COMMD1: variants seen among roughly 807,000 people sequenced by gnomAD.
The protein encoded by COMMD1 is copper metabolism domain containing 1.
A neutral mutation model predicts 17.2 loss-of-function variants in COMMD1; 10 were observed. The ratio of observed to expected loss-of-function variants is 0.58; its 90% CI spans 0.36 to 0.99. COMMD1 has a LOEUF of 0.99. Ranked by LOEUF, COMMD1 falls within the 50% of genes least tolerant of loss-of-function variation. The pLI is 0.01. For synonymous variants in COMMD1, 97 were observed against 91.6 expected (o/e 1.06, Z -0.34); for missense variants, 270 against 231.8 (o/e 1.17, Z -1.07).
At position 61,990,898 on chromosome 2, in the gene COMMD1, A is replaced by G. The variant is rs1349722802; in HGVS notation, c.181-9803A>G. Among the ~76,000 whole-genome samples, 2 of 118,586 alleles carry G rather than the reference A, an allele frequency of 1.7e-5. 1 individual carries two copies. Among genetic ancestry groups the G allele is most frequent in the Non-Finnish European group, 3.6e-5 (2 of 55,820 alleles). 77.8% of individuals were successfully genotyped at this position (118,586 alleles called of 152,430 possible). Reference sequence around the variant, plus strand: ...TTTACAAAAAAAAAAAAAAATATATATATATACACACACACACACACACAC... The same window carrying G: ...TTTACAAAAAAAAAAAAAAATATATGTATATACACACACACACACACACAC... On this transcript the variant is annotated intron_variant, in intron 1 of 2. Coordinates refer to ENST00000311832, the MANE Select transcript of COMMD1 (RefSeq NM_152516.4).
At chr2:62,120,935 G>A (rs773550129) in intron 2 of COMMD1, among the ~76,000 whole-genome samples, 14 of 151,824 alleles carry the variant, frequency 9.2e-5, no homozygotes, top group Non-Finnish European at 1.9e-4. Flanking sequence ...TTAGAGACAG[G>A]GTTTTTTCAT....
chr2:62,090,467 G>T (rs1671794751), intron 2 of COMMD1, among the ~76,000 whole-genome samples: 1 of 152,174 alleles, frequency 6.6e-6, no homozygotes, highest in Non-Finnish European at 1.5e-5. Flanking sequence ...TGTCTCCATA[G>T]ATATAACATC....
chr2:62,080,312 G>C (rs926531752), intron 2 of COMMD1, among the ~76,000 whole-genome samples: 4 of 152,150 alleles, frequency 2.6e-5, no homozygotes, highest in African/African-American at 4.8e-5. Context: ...TAAAAAAAGA[G>C]ATGAATACTG....
chr2:61,927,833 T>C (rs1319187924), intron 1 of COMMD1, among the ~76,000 whole-genome samples: 2 of 152,144 alleles, frequency 1.3e-5, no homozygotes, highest in African/African-American at 2.4e-5. Context: ...TGGAGTGCAA[T>C]GGCTCACTGC....
chr2:62,059,333 A>AT (rs1274637874), intron 2 of COMMD1, among the ~76,000 whole-genome samples: 3 of 151,254 alleles, frequency 2.0e-5, no homozygotes, highest in South Asian at 2.1e-4. Context: ...TTAAAAAAAA[A>AT]TTTTTTTGTT....
intron 2 of COMMD1, among the ~76,000 whole-genome samples, chr2:62,050,960 T>TGG (rs1670518945): frequency 6.6e-6 from 1 of 152,276 alleles, no homozygotes; most frequent in African/African-American, 2.4e-5. Flanking sequence ...GTGGTTAAAG[T>TGG]ACAAGTTTAC....
chr2:62,099,141 TG>T (rs975276474), intron 2 of COMMD1, among the ~76,000 whole-genome samples: 11 of 152,188 alleles, frequency 7.2e-5, no homozygotes, highest in Non-Finnish European at 1.2e-4. Flanking sequence ...TGAAATTGTC[TG>T]GACAAGGAAG....
At chr2:62,023,226 C>T (rs556901667) in intron 2 of COMMD1, among the ~76,000 whole-genome samples, 3 of 91,696 alleles carry the variant, frequency 3.3e-5, no homozygotes, top group Non-Finnish European at 6.9e-5. Context: ...AACTCTGTCT[C>T]AAAAAAAAAA....
chr2:62,063,395 T>A (rs1410905146), intron 2 of COMMD1, among the ~76,000 whole-genome samples: 1 of 152,092 alleles, frequency 6.6e-6, no homozygotes, highest in African/African-American at 2.4e-5. Context: ...TTTCACCCTG[T>A]TAGCCAGGAT....
chr2:62,120,978 G>A (rs988979042), intron 2 of COMMD1, among the ~76,000 whole-genome samples: 3 of 150,420 alleles, frequency 2.0e-5, no homozygotes, highest in East Asian at 2.0e-4. Flanking sequence ...TCCTGAGCTC[G>A]GGCAATCTAC....
intron 1 of COMMD1, among the ~76,000 whole-genome samples, chr2:61,960,336 G>A (rs1050650199): frequency 6.6e-6 from 1 of 152,124 alleles, no homozygotes; most frequent in East Asian, 1.9e-4. Flanking sequence ...ACAGTGGCGG[G>A]GGAGTTGGGG....
intron 2 of COMMD1, among the ~76,000 whole-genome samples, chr2:62,058,701 T>C (rs545756412): frequency 1.3e-5 from 2 of 151,998 alleles, no homozygotes; most frequent in East Asian, 1.9e-4. Flanking sequence ...ATCGTGCTAC[T>C]ACACTCAGCC....
At chr2:61,958,328 G>A (rs1163715770) in intron 1 of COMMD1, among the ~76,000 whole-genome samples, 3 of 150,970 alleles carry the variant, frequency 2.0e-5, no homozygotes, top group Non-Finnish European at 2.9e-5. Flanking sequence ...GTGCAGGGGC[G>A]CGATCTCAGC....
chr2:61,926,526 G>T (rs1670333249), intron 1 of COMMD1, among the ~76,000 whole-genome samples: 1 of 152,106 alleles, frequency 6.6e-6, no homozygotes. Context: ...TTAAACTTGG[G>T]ATCTGAGGCA....
At chr2:61,895,579 C>T (rs1402546617) in intron 1 of COMMD1, among the ~76,000 whole-genome samples, 1 of 152,110 alleles carries the variant, frequency 6.6e-6, no homozygotes, top group Non-Finnish European at 1.5e-5. Flanking sequence ...AAGTCTCAGC[C>T]CCAGCCCTCC....
At chr2:62,072,008 TTAACCCAG>T (rs1456411994) in intron 2 of COMMD1, among the ~76,000 whole-genome samples, 1 of 151,878 alleles carries the variant, frequency 6.6e-6, no homozygotes, top group African/African-American at 2.4e-5. Context: ...TTTTTTTTAA[TTAACCCAG>T]TATAATGTGG....
At chr2:61,972,676 A>G (rs1671685711) in intron 1 of COMMD1, among the ~76,000 whole-genome samples, 2 of 152,194 alleles carry the variant, frequency 1.3e-5, no homozygotes, top group Admixed American at 6.5e-5. Context: ...ACCAGGAGGC[A>G]AACATCAGGC....
In COMMD1 at chr2:61,905,755, G is replaced by T; in HGVS notation, c.77G>T (p.Gly26Val). The T allele has an allele frequency of 6.2e-7, 1 of 1,614,048 alleles. No homozygotes were observed. Among genetic ancestry groups the T allele is most frequent in the Non-Finnish European group, 8.5e-7 (1 of 1,179,972 alleles). ...GCGCTGGCCCAGGACACTTTCCACG[G>T]GTACCCCGGCATCACAGAGGAGCTG... Reference protein sequence around the residue: ...LNALAQDTFHGYPGITEELLR... With the variant: ...LNALAQDTFHVYPGITEELLR... The change falls in exon 1 of 3, where the codon GGG becomes GTG. Residue 26 changes from glycine (G) to valine (V), a missense_variant. Coordinates refer to ENST00000311832, the MANE Select transcript of COMMD1 (RefSeq NM_152516.4).
At chr2:61,944,167 C>T (rs1391910200) in intron 1 of COMMD1, among the ~76,000 whole-genome samples, 1 of 152,002 alleles carries the variant, frequency 6.6e-6, no homozygotes, top group African/African-American at 2.4e-5. Context: ...GAATGCACCT[C>T]TGGGCCAGGT....
Sources: allele counts gnomAD v4.1 joint callset (sites outside exome capture counted in the v4.1 genomes callset), GRCh38; gene constraint gnomAD v4.1.1; transcripts MANE v1.5; gene names NCBI Gene and HGNC (gene_info 2026-07-23, HGNC 2026-07-21).